Variants in WNT8B observed in about 807,000 individuals in gnomAD.
WNT8B encodes Wnt family member 8B, also known as protein Wnt-8b.
A neutral mutation model predicts 36.6 loss-of-function variants in WNT8B; 24 were observed. That is an observed-to-expected ratio of 0.66 (90% confidence interval 0.48 to 0.92). The LOEUF is 0.92. Ranked by LOEUF, WNT8B falls within the 40% of genes least tolerant of loss-of-function variation. The pLI is 0.00. For synonymous variants in WNT8B, 199 were observed against 189.8 expected, an observed-to-expected ratio of 1.05 and a Z score of -0.40; for missense variants, 402 against 470.8, an observed-to-expected ratio of 0.85 and a Z score of 1.35.
intron 1 of WNT8B, among the ~76,000 whole-genome samples, chr10:100,465,412 T>C (rs1295388370): frequency 6.6e-6 from 1 of 152,184 alleles, no homozygotes; most frequent in African/African-American, 2.4e-5. Flanking sequence ...TGGCCAGAGA[T>C]GAACCAATTT....
rs561755759 is a variant in WNT8B, at chr10:100,478,064, G to A, written c.69-988G>A. Reference sequence around the variant, plus strand: ...CTCCCAAAGTGCTGGGATTATGGGCGTGAGCCACTGTGCCCAGCCCATTTT... The same window carrying A: ...CTCCCAAAGTGCTGGGATTATGGGCATGAGCCACTGTGCCCAGCCCATTTT... On this transcript the variant is annotated intron_variant, in intron 1 of 5. Coordinates refer to ENST00000343737, the MANE Select transcript of WNT8B (RefSeq NM_003393.4). Among the ~76,000 whole-genome samples, 227 of 152,000 alleles carry A rather than the reference G, an allele frequency of 1.5e-3. 1 individual carries two copies. Among genetic ancestry groups the A allele is most frequent in the African/African-American group, 4.7e-3 (193 of 41,432 alleles).
intron 1 of WNT8B, among the ~76,000 whole-genome samples, chr10:100,478,062 G>A (rs1003662754): frequency 6.6e-6 from 1 of 152,034 alleles, no homozygotes; most frequent in African/African-American, 2.4e-5. Flanking sequence ...GGGATTATGG[G>A]CGTGAGCCAC....
intron 4 of WNT8B, 128 bp from the exon 5 acceptor site, chr10:100,481,784 G>A (rs1253344583): frequency 4.5e-6 from 6 of 1,321,970 alleles, no homozygotes; most frequent in Admixed American, 5.1e-5. Context: ...TCTGGATACA[G>A]GGCACTCGCC....
intron 1 of WNT8B, among the ~76,000 whole-genome samples, chr10:100,463,862 G>A (rs1000287935): frequency 1.3e-5 from 2 of 152,100 alleles, no homozygotes; most frequent in African/African-American, 4.8e-5. Flanking sequence ...ATCAGATAAC[G>A]TATATGAAAG....
chr10:100,465,818 T>A (rs1424257526), intron 1 of WNT8B, among the ~76,000 whole-genome samples: 1 of 152,180 alleles, frequency 6.6e-6, no homozygotes, highest in East Asian at 1.9e-4. Context: ...AACCTTTCTA[T>A]GGCTCTTGAA....
chr10:100,463,973 A>G (rs1209543868), intron 1 of WNT8B, among the ~76,000 whole-genome samples: 1 of 152,224 alleles, frequency 6.6e-6, no homozygotes, highest in African/African-American at 2.4e-5. Flanking sequence ...ACTGTTCATT[A>G]GCAAATACAC....
intron 1 of WNT8B, among the ~76,000 whole-genome samples, chr10:100,470,274 G>A (rs1284850152): frequency 6.6e-6 from 1 of 152,122 alleles, no homozygotes; most frequent in African/African-American, 2.4e-5. Flanking sequence ...TATAGTGTAT[G>A]CCACCATACC....
At chr10:100,473,679 A>C (rs1851003448) in intron 1 of WNT8B, among the ~76,000 whole-genome samples, 1 of 152,142 alleles carries the variant, frequency 6.6e-6, no homozygotes, top group Admixed American at 6.5e-5. Context: ...GTAATCTTGC[A>C]CTTTGGGAGG....
intron 1 of WNT8B, among the ~76,000 whole-genome samples, chr10:100,472,789 C>A (rs1850993379): frequency 1.3e-5 from 2 of 152,194 alleles, no homozygotes; most frequent in South Asian, 2.1e-4. Flanking sequence ...TTATGCACAG[C>A]ACTAAGTGTG....
At chr10:100,470,738 ATTTTG>A (rs1201883629) in intron 1 of WNT8B, among the ~76,000 whole-genome samples, 4 of 151,978 alleles carry the variant, frequency 2.6e-5, no homozygotes, top group Non-Finnish European at 4.4e-5. Context: ...TTTCTATTTT[ATTTTG>A]TTTTATTTTA....
chr10:100,464,508 T>C (rs983738559), intron 1 of WNT8B, among the ~76,000 whole-genome samples: 1 of 152,168 alleles, frequency 6.6e-6, no homozygotes, highest in Non-Finnish European at 1.5e-5. Flanking sequence ...TTCCCTTCCC[T>C]AGTCACCAGG....
Position 100,482,069 on chromosome 10 carries a change from C to T in WNT8B, c.510+15C>T, listed in dbSNP as rs779611004. On this transcript the variant is annotated intron_variant, in intron 5 of 5. Coordinates refer to ENST00000343737, the MANE Select transcript of WNT8B (RefSeq NM_003393.4). The surrounding 1 kb of genome is among the most constrained non-coding windows in gnomAD (Gnocchi z 6.6). ...CTGGCCGCAAGGTGAGTCCCGCAGCCCTTGGAAATAGGCAGCTGCTGGCTA... is the reference window on the plus strand; with the variant it reads ...CTGGCCGCAAGGTGAGTCCCGCAGCTCTTGGAAATAGGCAGCTGCTGGCTA... 4 of 1,613,914 alleles carry T rather than the reference C, an allele frequency of 2.5e-6. No homozygotes were observed. The highest frequency in any genetic ancestry group is 3.4e-6 in the Non-Finnish European group (4 of 1,179,828).
At position 100,463,093 on chromosome 10, in the gene WNT8B, A is replaced by G. The variant is rs1055018017; in HGVS notation, c.-76A>G. On this transcript the variant is annotated 5_prime_UTR_variant, in exon 1 of 6. Transcript: ENST00000343737. ...TGAGAATTCCATCCCACTGGCACTG[A>G]GGAGAATATTTCTCCGTCTTGCTTA... The G allele has an allele frequency of 3.7e-6, 5 of 1,356,342 alleles. No individual in the cohort carries two copies. The African/African-American group carries it at 5.8e-5, about 16-fold the overall frequency. 84.0% of individuals were successfully genotyped at this position (1,356,342 alleles called of 1,614,324 possible). A position where few individuals can be genotyped will look rare whatever the true frequency, so the allele number is the denominator to read the frequency against.
intron 1 of WNT8B, among the ~76,000 whole-genome samples, chr10:100,465,655 C>T (rs193284056): frequency 1.1e-4 from 16 of 152,252 alleles, no homozygotes; most frequent in Admixed American, 3.3e-4. Flanking sequence ...CAGAAGTCAC[C>T]GCCTCTACTT....
At position 100,482,492 on chromosome 10, in the gene WNT8B, G is replaced by C; in HGVS notation, c.732G>C (p.Arg244=). ...IADTFRSIST[R]ELVHLEDSPD... is the part of the protein sequence containing the mutation. ...ACACCTTTCGCTCCATCTCTACCCG[G>C]GAGCTGGTGCACCTGGAGGACTCCC... The change falls in exon 6 of 6, where the codon CGG becomes CGC. Residue 244 remains arginine (R), a synonymous_variant. Coordinates refer to ENST00000343737, the MANE Select transcript of WNT8B (RefSeq NM_003393.4). The surrounding 1 kb of genome is among the most constrained non-coding windows in gnomAD (Gnocchi z 6.6). The C allele has an allele frequency of 1.2e-6, 2 of 1,602,414 alleles. No individual in the cohort carries two copies. Among genetic ancestry groups the C allele is most frequent in the South Asian group, 2.2e-5 (2 of 91,044 alleles).
intron 1 of WNT8B, among the ~76,000 whole-genome samples, chr10:100,476,258 G>A (rs1260834667): frequency 5.9e-5 from 9 of 152,032 alleles, no homozygotes; most frequent in African/African-American, 2.4e-5. Flanking sequence ...GCAGTAAGCC[G>A]AGATGGCACC....
At chr10:100,477,942 A>ATT (rs34357304) in intron 1 of WNT8B, among the ~76,000 whole-genome samples, 6 of 126,692 alleles carry the variant, frequency 4.7e-5, no homozygotes, top group African/African-American at 5.8e-5. Flanking sequence ...ATGCCTAGCT[A>ATT]TTTTTTTTTT....
chr10:100,481,236 C>A (rs1851106826), intron 4 of WNT8B, 113 bp downstream of exon 4: 7 of 1,411,480 alleles, frequency 5.0e-6, no homozygotes, highest in South Asian at 3.0e-5. Flanking sequence ...GAAAATCATG[C>A]GGAAGATGGG....
intron 1 of WNT8B, among the ~76,000 whole-genome samples, chr10:100,473,662 C>A (rs778310089): frequency 1.5e-4 from 23 of 152,166 alleles, no homozygotes; most frequent in Admixed American, 1.3e-3. Flanking sequence ...CATGGTGGCT[C>A]ATGCCTGTAA....
Sources: allele counts gnomAD v4.1 joint callset (sites outside exome capture counted in the v4.1 genomes callset), GRCh38; gene constraint gnomAD v4.1.1; non-coding constraint Gnocchi (gnomAD v3.1); transcripts MANE v1.5; gene names NCBI Gene and HGNC (gene_info 2026-07-23, HGNC 2026-07-21).